The following GPC4 variants were observed in gnomAD, a reference collection of about 807,000 sequenced individuals.
GPC4 encodes the protein glypican 4.
GPC4 carries 10 observed loss-of-function variants against 35.0 expected under a neutral mutation model. The ratio of observed to expected loss-of-function variants is 0.29; its 90% CI spans 0.18 to 0.48. The LOEUF is 0.48. Ranked by LOEUF, GPC4 falls within the 20% of genes least tolerant of loss-of-function variation. The pLI is 0.99. For missense variants in GPC4, 322 were observed against 451.3 expected (o/e 0.71, Z 2.60); for synonymous variants, 167 against 170.2 (o/e 0.98, Z 0.15).
chrX:133,397,792 G>A (rs1182490002), intron 1 of GPC4, among the ~76,000 whole-genome samples: 1 of 111,389 alleles, frequency 9.0e-6, no homozygotes, highest in East Asian at 2.9e-4. Context: ...TGGGCACAGT[G>A]GCTCACGCCT....
intron 1 of GPC4, among the ~76,000 whole-genome samples, chrX:133,355,758 T>C (rs1020511252): frequency 3.6e-5 from 4 of 111,309 alleles, no homozygotes; most frequent in Non-Finnish European, 3.8e-5. Context: ...GGATCCCTCA[T>C]GAATGGCTTA....
At chrX:133,411,833 G>C (rs961043318) in intron 1 of GPC4, among the ~76,000 whole-genome samples, 1 of 110,984 alleles carries the variant, frequency 9.0e-6, no homozygotes, top group African/African-American at 3.3e-5. Context: ...AAGTACAGGG[G>C]TCAAGCAGAC....
intron 1 of GPC4, among the ~76,000 whole-genome samples, chrX:133,364,698 C>G (rs893425398): frequency 8.9e-6 from 1 of 112,126 alleles, no homozygotes; most frequent in African/African-American, 3.2e-5. Context: ...TAATAACTTT[C>G]ATGTGAATTA....
In GPC4 at chrX:133,415,003, C is replaced by T; in HGVS notation, c.-38G>A. ...GGCGGACGCGTTCCCACCTTTGGGA[C>T]CGGACGGGAAGCGGCGCTACGGCAG... On this transcript the variant is annotated 5_prime_UTR_variant, in exon 1 of 9. Transcript: ENST00000370828. 1.7e-6 allele frequency: 2 copies of T among 1,183,608 alleles called. No homozygotes were observed. Among genetic ancestry groups the T allele is most frequent in the Non-Finnish European group, 2.3e-6 (2 of 877,257 alleles).
chrX:133,413,252 G>A (rs1300394363), intron 1 of GPC4, among the ~76,000 whole-genome samples: 1 of 111,949 alleles, frequency 8.9e-6, no homozygotes, highest in Non-Finnish European at 1.9e-5. Context: ...GGCAGCTGAA[G>A]GGCAAACAGT....
intron 1 of GPC4, among the ~76,000 whole-genome samples, chrX:133,351,361 C>A (rs1353263036): frequency 1.1e-5 from 1 of 90,109 alleles, no homozygotes; most frequent in Admixed American, 1.3e-4. Flanking sequence ...GTGAACCCCC[C>A]CATCAACTGC....
intron 2 of GPC4, among the ~76,000 whole-genome samples, chrX:133,337,803 C>T (rs1235082985): frequency 9.1e-6 from 1 of 110,174 alleles, no homozygotes; most frequent in East Asian, 2.8e-4. Flanking sequence ...ATAGATTTTG[C>T]CAATAACACC....
At chrX:133,411,347 T>G (rs1231966754) in intron 1 of GPC4, among the ~76,000 whole-genome samples, 1 of 112,516 alleles carries the variant, frequency 8.9e-6, no homozygotes, top group Non-Finnish European at 1.9e-5. Context: ...AAAAACAATT[T>G]CAACATAGAT....
chrX:133,361,188 A>C (rs1271359507), intron 1 of GPC4, among the ~76,000 whole-genome samples: 2 of 111,937 alleles, frequency 1.8e-5, no homozygotes, highest in African/African-American at 6.5e-5. Flanking sequence ...TGATTTATTA[A>C]GGAAAACTGG....
chrX:133,400,185 A>G (rs2068762349), intron 1 of GPC4, among the ~76,000 whole-genome samples: 2 of 111,985 alleles, frequency 1.8e-5, no homozygotes, highest in African/African-American at 3.2e-5. Flanking sequence ...AAGCCAAGAT[A>G]ACTCGGGCCT....
At position 133,377,898 on chromosome X, in the gene GPC4, T is replaced by C. The variant is rs756850454; in HGVS notation, c.160+36908A>G. Among the ~76,000 whole-genome samples, 90 of 101,225 alleles carry C rather than the reference T, an allele frequency of 8.9e-4. No homozygotes were observed. In the South Asian group the frequency reaches 0.041, roughly 46 times the overall value. 87.9% of individuals were successfully genotyped at this position (101,225 alleles called of 115,157 possible). A position where few individuals can be genotyped will look rare whatever the true frequency, so the allele number is the denominator to read the frequency against. Reference sequence around the variant, plus strand: ...TTTTCTTTTTTTTTTTCTTTTTTTTTTTTTTTTTGCTTTTGATTCAGGCTC... The same window carrying C: ...TTTTCTTTTTTTTTTTCTTTTTTTTCTTTTTTTTGCTTTTGATTCAGGCTC... On this transcript the variant is annotated intron_variant, in intron 1 of 8. Transcript: ENST00000370828.
intron 1 of GPC4, among the ~76,000 whole-genome samples, chrX:133,403,379 C>A (rs912780813): frequency 1.8e-5 from 2 of 110,657 alleles, no homozygotes; most frequent in African/African-American, 6.6e-5. Context: ...ATCTTCTCAC[C>A]GTAATTTCAT....
intron 1 of GPC4, among the ~76,000 whole-genome samples, chrX:133,371,602 T>C (rs1158872837): frequency 1.8e-5 from 2 of 111,848 alleles, no homozygotes; most frequent in African/African-American, 6.5e-5. Context: ...TTTCTAAATA[T>C]AAATAAAGCC....
chrX:133,388,033 C>T (rs1471053162), intron 1 of GPC4, among the ~76,000 whole-genome samples: 1 of 112,011 alleles, frequency 8.9e-6, no homozygotes, highest in African/African-American at 3.2e-5. Context: ...CTGCAAGGCT[C>T]TTCTATGCCA....
At chrX:133,316,301 A>G (rs2068338112) in intron 3 of GPC4, among the ~76,000 whole-genome samples, 1 of 111,972 alleles carries the variant, frequency 8.9e-6, no homozygotes, top group South Asian at 3.7e-4. Context: ...CCCCAAAGAG[A>G]TTAAGGGACT....
intron 1 of GPC4, among the ~76,000 whole-genome samples, chrX:133,371,810 A>G (rs2068613293): frequency 9.0e-6 from 1 of 111,370 alleles, no homozygotes; most frequent in Non-Finnish European, 1.9e-5. Flanking sequence ...AAGATAAGCA[A>G]TTTACTTCTC....
chrX:133,303,649 C>T (rs1402651241), intron 7 of GPC4, among the ~76,000 whole-genome samples: 1 of 110,560 alleles, frequency 9.0e-6, no homozygotes, highest in Non-Finnish European at 1.9e-5. Flanking sequence ...GTCAGGCATT[C>T]GAGACCAACC....
intron 1 of GPC4, among the ~76,000 whole-genome samples, chrX:133,362,856 T>C (rs923159901): frequency 8.9e-6 from 1 of 112,154 alleles, no homozygotes; most frequent in African/African-American, 3.2e-5. Flanking sequence ...AGAAGAGGTT[T>C]CTGGGCTCCC....
At chrX:133,305,360 C>A (rs1000362120) in intron 6 of GPC4, among the ~76,000 whole-genome samples, 2 of 112,224 alleles carry the variant, frequency 1.8e-5, no homozygotes, top group African/African-American at 6.5e-5. Flanking sequence ...ACTCACTTTT[C>A]TCCCATCTCA....
Sources: gnomAD v4.1 joint callset for allele counts (sites outside exome capture counted in the v4.1 genomes callset) on GRCh38, gnomAD v4.1.1 for gene constraint, MANE v1.5 for transcripts, NCBI Gene and HGNC (gene_info 2026-07-23, HGNC 2026-07-21) for gene names.